NCOR1: variants seen among roughly 807,000 people sequenced by gnomAD.
The protein encoded by NCOR1 is protein phosphatase 1, regulatory subunit 109.
NCOR1 carries 63 observed loss-of-function variants against 288.1 expected under a neutral mutation model. That is an observed-to-expected ratio of 0.22 (90% CI 0.18 to 0.27). NCOR1 has a LOEUF of 0.27. NCOR1 is among the 10% of genes least tolerant of loss of function. NCOR1 has a pLI of 1.00. For missense variants in NCOR1, 2,397 were observed against 3,019.2 expected, an observed-to-expected ratio of 0.79 and a Z score of 4.83; for synonymous variants, 1,007 against 1,065.9, an observed-to-expected ratio of 0.94 and a Z score of 1.08.
intron 3 of NCOR1, among the ~76,000 whole-genome samples, chr17:16,181,266 T>A (rs1392710903): frequency 1.4e-5 from 2 of 145,450 alleles, no homozygotes; most frequent in Non-Finnish European, 3.0e-5. Flanking sequence ...TAAATATTAT[T>A]CAACTTTAAA....
chr17:16,212,279 AAG>A (rs2092205465), intron 1 of NCOR1, among the ~76,000 whole-genome samples: 1 of 152,120 alleles, frequency 6.6e-6, no homozygotes, highest in Admixed American at 6.6e-5. Flanking sequence ...AGGAAAAAAA[AAG>A]AAAAAAAAAA....
Position 16,085,362 on chromosome 17 carries a change from G to C in NCOR1, c.3177+920C>G, listed in dbSNP as rs567619246. On this transcript the variant is annotated intron_variant, in intron 23 of 45. Coordinates refer to ENST00000268712, the MANE Select transcript of NCOR1 (RefSeq NM_006311.4). ...AAAGTATAAAACATACACAAACCTA[G>C]TAATTCCACTCCCAGGTAATTGTAC... Among the ~76,000 whole-genome samples the C allele has an allele frequency of 2.8e-3, 430 of 152,232 alleles. 3 individuals are homozygous for C. The highest frequency in any genetic ancestry group is 9.6e-3 in the African/African-American group (397 of 41,542).
chr17:16,113,886 C>A (rs1459783219), intron 18 of NCOR1, among the ~76,000 whole-genome samples: 1 of 151,296 alleles, frequency 6.6e-6, no homozygotes, highest in Non-Finnish European at 1.5e-5. Context: ...GGGTGAGACT[C>A]CATCTCAAAA....
intron 20 of NCOR1, chr17:16,098,795 A>G (rs2055724674): frequency 5.4e-6 from 1 of 185,416 alleles, no homozygotes; most frequent in Non-Finnish European, 1.1e-5. Context: ...TTTGCAAAGC[A>G]TTTTATATTA....
Position 16,086,611 on chromosome 17 carries a change from A to G in NCOR1, c.3017-169T>C, listed in dbSNP as rs115822342. Reference sequence around the variant, plus strand: ...TTCTCATTCACGTAAGCCTGTATACATATTTGTCACAAATACTATTTGTGG... The same window carrying G: ...TTCTCATTCACGTAAGCCTGTATACGTATTTGTCACAAATACTATTTGTGG... On this transcript the variant is annotated intron_variant, in intron 22 of 45. Transcript: ENST00000268712. 1.9e-3 allele frequency among the ~76,000 whole-genome samples: 293 copies of G among 152,360 alleles called. 1 individual carries two copies. The highest frequency in any genetic ancestry group is 4.2e-3 in the African/African-American group (175 of 41,576).
chr17:16,032,207 G>A lies in NCOR1; in HGVS notation c.*89C>T, dbSNP rs1302500668. The A allele has an allele frequency of 1.5e-6, 2 of 1,307,652 alleles. No individual in the cohort carries two copies. The highest frequency in any genetic ancestry group is 1.5e-5 in the African/African-American group (1 of 64,874). The allele number at this position is 1,307,652 out of a possible 1,614,324, so 81.0% of individuals were successfully genotyped here. A position where few individuals can be genotyped will look rare whatever the true frequency, so the allele number is the denominator to read the frequency against. ...AAAAGTCTCAGGGAATAAGTCACAGGAGGGCAGGTTTTTGACCTGCTACTA... is the reference window on the plus strand; with the variant it reads ...AAAAGTCTCAGGGAATAAGTCACAGAAGGGCAGGTTTTTGACCTGCTACTA... On this transcript the variant is annotated 3_prime_UTR_variant, in exon 46 of 46. Coordinates refer to ENST00000268712, the MANE Select transcript of NCOR1 (RefSeq NM_006311.4).
At chr17:16,055,590 G>C (rs1335624618) in intron 40 of NCOR1, among the ~76,000 whole-genome samples, 1 of 151,920 alleles carries the variant, frequency 6.6e-6, no homozygotes, top group Non-Finnish European at 1.5e-5. Flanking sequence ...TTAATACCTG[G>C]GTGACAAAAT....
Position 16,121,200 on chromosome 17 carries a change from T to C in NCOR1, c.1704A>G (p.Thr568=), listed in dbSNP as rs1598919145. The C allele has an allele frequency of 4.3e-6, 7 of 1,614,094 alleles. No individual in the cohort carries two copies. Among genetic ancestry groups the C allele is most frequent in the Non-Finnish European group, 5.9e-6 (7 of 1,180,016 alleles). ...AEETEEREQA[T]PRGRKTANSQ... is the part of the protein sequence containing the mutation. ...TGTTGGCAGTCTTTCGCCCCCGGGG[T>C]GTGGCTTGCTCTCTTTCCTCAGTTT... Residue 568 remains threonine (T), a synonymous_variant, in exon 16 of 46, where the codon ACA becomes ACG. Transcript: ENST00000268712.
At chr17:16,119,246 G>A (rs1485420711) in intron 17 of NCOR1, among the ~76,000 whole-genome samples, 177 bp downstream of exon 17, 1 of 151,956 alleles carries the variant, frequency 6.6e-6, no homozygotes, top group African/African-American at 2.4e-5. Flanking sequence ...GCACACTGGG[G>A]GTACTTTATT....
chr17:16,129,524 T>C, intron 14 of NCOR1, among the ~76,000 whole-genome samples: 1 of 152,198 alleles, frequency 6.6e-6, no homozygotes, highest in Middle Eastern at 3.2e-3. Context: ...AGGGAGATTT[T>C]AAAATTTAAA....
At chr17:16,040,056 C>T (rs557606371) in intron 43 of NCOR1, 3 of 421,690 alleles carry the variant, frequency 7.1e-6, no homozygotes, top group African/African-American at 2.0e-5. Flanking sequence ...TCCCAAAGTG[C>T]TGGGATTACA....
intron 14 of NCOR1, among the ~76,000 whole-genome samples, chr17:16,126,592 C>T (rs2074091687): frequency 6.6e-6 from 1 of 152,024 alleles, no homozygotes; most frequent in Non-Finnish European, 1.5e-5. Flanking sequence ...AATATGTTTC[C>T]AATTTTTTCA....
chr17:16,148,663 C>CAA (rs397857284), intron 9 of NCOR1, among the ~76,000 whole-genome samples: 4,201 of 48,322 alleles, frequency 0.087, 1,558 homozygotes, highest in East Asian at 0.15. Context: ...ATGTTCTTGG[C>CAA]AAAAAAAAAA....
intron 26 of NCOR1, among the ~76,000 whole-genome samples, chr17:16,079,466 T>C (rs1377808887): frequency 3.9e-5 from 6 of 152,210 alleles, no homozygotes; most frequent in Non-Finnish European, 8.8e-5. Context: ...AGAAATTTTA[T>C]TAATCAAAAT....
intron 22 of NCOR1, among the ~76,000 whole-genome samples, chr17:16,089,167 C>A (rs1598415458): frequency 6.9e-6 from 1 of 144,718 alleles, no homozygotes; most frequent in Admixed American, 6.9e-5. Context: ...TGGTTCTAAA[C>A]ACAGCTATCT....
intron 22 of NCOR1, chr17:16,087,278 G>A (rs1793074957): frequency 7.7e-7 from 1 of 1,304,048 alleles, no homozygotes; most frequent in Non-Finnish European, 1.0e-6. Context: ...CTGCAGTATT[G>A]TGCATCTGTG....
intron 1 of NCOR1, among the ~76,000 whole-genome samples, chr17:16,202,730 A>G (rs538224682): frequency 7.9e-5 from 12 of 152,290 alleles, no homozygotes; most frequent in African/African-American, 2.6e-4. Context: ...ACTCAGAGAC[A>G]GATACCTTAA....
At chr17:16,085,590 T>TA (rs1375465263) in intron 23 of NCOR1, among the ~76,000 whole-genome samples, 1 of 152,218 alleles carries the variant, frequency 6.6e-6, no homozygotes, top group Non-Finnish European at 1.5e-5. Context: ...TATGCTGGGT[T>TA]AAAGAAGACA....
rs374498058 is a variant in NCOR1, at chr17:16,070,544, A to G, written c.4153-19T>C. On this transcript the variant is annotated intron_variant, in intron 30 of 45. Coordinates refer to ENST00000268712, the MANE Select transcript of NCOR1 (RefSeq NM_006311.4). Reference sequence around the variant, plus strand: ...GTGTGCCCTAAAGGGAAAGAAACAAACATTACAGGTAGCAAAGTCATCTGG... The same window carrying G: ...GTGTGCCCTAAAGGGAAAGAAACAAGCATTACAGGTAGCAAAGTCATCTGG... The G allele has an allele frequency of 6.2e-7, 1 of 1,605,260 alleles. No homozygotes were observed. The highest frequency in any genetic ancestry group is 1.3e-5 in the African/African-American group (1 of 74,756).
Sources: gnomAD v4.1 joint callset for allele counts (sites outside exome capture counted in the v4.1 genomes callset) on GRCh38, gnomAD v4.1.1 for gene constraint, MANE v1.5 for transcripts, NCBI Gene and HGNC (gene_info 2026-07-23, HGNC 2026-07-21) for gene names.